The following CACNA2D4 variants were observed in gnomAD, a reference collection of about 807,000 sequenced individuals.
The protein encoded by CACNA2D4 is voltage-dependent calcium channel subunit alpha-2/delta-4.
In CACNA2D4, 157 loss-of-function variants were observed where a neutral mutation model predicts 163.8. The ratio of observed to expected loss-of-function variants is 0.96; its 90% CI spans 0.84 to 1.09. The LOEUF is 1.09. Among genes scored for constraint, CACNA2D4 ranks in the 50% least tolerant of loss-of-function variants. The pLI is 0.00. For synonymous variants in CACNA2D4, 598 were observed against 586.9 expected (o/e 1.02, Z -0.27); for missense variants, 1,410 against 1,479.9 (o/e 0.95, Z 0.78).
chr12:1,823,777 G>C (rs1442659782), intron 26 of CACNA2D4, among the ~76,000 whole-genome samples: 2 of 152,216 alleles, frequency 1.3e-5, no homozygotes, highest in Non-Finnish European at 2.9e-5. Context: ...TCAGGGCAAT[G>C]GGGACAAAAA....
At chr12:1,889,604 A>T (rs771061701) in intron 6 of CACNA2D4, among the ~76,000 whole-genome samples, 2 of 152,148 alleles carry the variant, frequency 1.3e-5, no homozygotes, top group Non-Finnish European at 2.9e-5. Flanking sequence ...CTGGAACTAT[A>T]GGTACAAACC....
intron 26 of CACNA2D4, among the ~76,000 whole-genome samples, chr12:1,827,106 G>T (rs1214931493): frequency 6.6e-6 from 1 of 152,186 alleles, no homozygotes; most frequent in African/African-American, 2.4e-5. Context: ...GAAGGAGAGG[G>T]GTGCGGGCAT....
At chr12:1,796,640 A>C (rs1436957642) in intron 35 of CACNA2D4, among the ~76,000 whole-genome samples, 1 of 152,234 alleles carries the variant, frequency 6.6e-6, no homozygotes, top group East Asian at 1.9e-4. Context: ...CCCGCGCAGC[A>C]CGACGCGCAG....
In CACNA2D4 at chr12:1,811,762, G is replaced by C. The variant is rs531195678; in HGVS notation, c.2552-39C>G. 93 of 1,543,520 alleles carry C rather than the reference G, an allele frequency of 6.0e-5. No individual in the cohort carries two copies. In the South Asian group the frequency reaches 1.0e-3, roughly 17 times the overall value. On this transcript the variant is annotated intron_variant, in intron 26 of 37. Coordinates refer to ENST00000382722, the MANE Select transcript of CACNA2D4 (RefSeq NM_172364.5). ...AGAGAGAGGGCAAGGCCAGGGAAGA[G>C]ACGGGGAGAGAAAAAAATAGAGTCA...
chr12:1,795,031 A>G (rs73041897), intron 37 of CACNA2D4: 70,326 of 567,384 alleles, frequency 0.12, 4,923 homozygotes, highest in Non-Finnish European at 0.15. Context: ...ACCAAACACT[A>G]TAACAAAAGA....
intron 2 of CACNA2D4, among the ~76,000 whole-genome samples, chr12:1,914,442 C>T (rs1299627723): frequency 1.3e-5 from 2 of 152,162 alleles, no homozygotes; most frequent in African/African-American, 4.8e-5. Context: ...TGCGCAGAGG[C>T]CACAGCCCTT....
rs764778015 is a variant in CACNA2D4, at chr12:1,886,238, G to A, written c.978C>T (p.Phe326=). ...TILDTLGEND[F]INIIAYNDYV... Reference sequence around the variant, plus strand: ...GCACATTTACCGCTATGATATTAATGAAGTCATTCTCCCCCAGGGTGTCCA... The same window carrying A: ...GCACATTTACCGCTATGATATTAATAAAGTCATTCTCCCCCAGGGTGTCCA... Residue 326 remains phenylalanine, a synonymous_variant, in exon 8 of 38, where the codon TTC becomes TTT. Transcript: ENST00000382722. 1.1e-5 allele frequency: 18 copies of A among 1,612,928 alleles called. No homozygotes were observed. The highest frequency in any genetic ancestry group is 6.7e-5 in the African/African-American group (5 of 74,884).
At chr12:1,825,473 A>T (rs1864275850) in intron 26 of CACNA2D4, among the ~76,000 whole-genome samples, 1 of 152,232 alleles carries the variant, frequency 6.6e-6, no homozygotes, top group South Asian at 2.1e-4. Flanking sequence ...TCTAGACCTT[A>T]GTTCCAGGCT....
chr12:1,812,874 G>A (rs182556671), intron 26 of CACNA2D4, among the ~76,000 whole-genome samples: 54 of 152,344 alleles, frequency 3.5e-4, no homozygotes, highest in African/African-American at 1.3e-3. Flanking sequence ...GGGAACGGAT[G>A]TGGCTTCTTA....
Position 1,795,314 on chromosome 12 carries a change from G to A in CACNA2D4, c.3294C>T (p.His1098=). The change falls in exon 37 of 38, where the codon CAC becomes CAT. Residue 1098 remains histidine, a synonymous_variant. Transcript: ENST00000382722. The stretch of plus-strand genomic sequence containing the variant: ...CAACCCGCACCTCTGGATGGAAGGC[G>A]TGGCAGGAGTCTGGTCGCCGGCGGA... ...QKLRRRPDSC[H]AFHPEENAQD... is the part of the protein sequence containing the mutation. 1 of 1,613,184 alleles carries A rather than the reference G, an allele frequency of 6.2e-7. No homozygotes were observed. The highest frequency in any genetic ancestry group is 1.1e-5 in the South Asian group (1 of 91,020).
At chr12:1,826,520 C>T (rs754482039) in intron 26 of CACNA2D4, among the ~76,000 whole-genome samples, 4 of 150,204 alleles carry the variant, frequency 2.7e-5, no homozygotes, top group African/African-American at 4.9e-5. Context: ...ATGCCAGGGA[C>T]GTGGGTCCTC....
chr12:1,828,110 C>G lies in CACNA2D4; in HGVS notation c.2551+12629G>C. The G allele has an allele frequency of 2.0e-6, 3 of 1,498,252 alleles. No individual in the cohort carries two copies. Among genetic ancestry groups the G allele is most frequent in the South Asian group, 1.3e-5 (1 of 77,362 alleles). 92.8% of individuals were successfully genotyped at this position (1,498,252 alleles called of 1,614,324 possible). On this transcript the variant is annotated intron_variant, in intron 26 of 37. Transcript: ENST00000382722. This position sits in a 1 kb window ranked among gnomAD's most constrained non-coding sequence, Gnocchi z 4.2. The stretch of plus-strand genomic sequence containing the variant: ...GCGGCGCACCCAGGGGCTCCTCTCT[C>G]CCCAGAGCGACAGGGCCCGGAGAGC...
Position 1,909,437 on chromosome 12 carries a change from A to G in CACNA2D4, c.486+469T>C, listed in dbSNP as rs555572688. Among the ~76,000 whole-genome samples the G allele has an allele frequency of 1.3e-4, 19 of 151,942 alleles. No individual in the cohort carries two copies. The South Asian group carries it at 3.7e-3, about 30-fold the overall frequency. Reference sequence around the variant, plus strand: ...TCTCGATCTCCTGACCTTGTGATCCACCCGCCTCAGCCTCCCAAAGTGCTG... The same window carrying G: ...TCTCGATCTCCTGACCTTGTGATCCGCCCGCCTCAGCCTCCCAAAGTGCTG... On this transcript the variant is annotated intron_variant, in intron 4 of 37. Transcript: ENST00000382722.
At chr12:1,879,469 C>T (rs951641629) in intron 14 of CACNA2D4, among the ~76,000 whole-genome samples, 5 of 152,172 alleles carry the variant, frequency 3.3e-5, no homozygotes, top group African/African-American at 4.8e-5. Flanking sequence ...TTAGAGTCTG[C>T]ACAACCTGGC....
chr12:1,915,572 C>T (rs1017231702), intron 1 of CACNA2D4, among the ~76,000 whole-genome samples: 4 of 152,222 alleles, frequency 2.6e-5, no homozygotes, highest in Non-Finnish European at 4.4e-5. Flanking sequence ...CCTCAGAGAA[C>T]GCGTGAGGCA....
At chr12:1,861,832 A>G (rs1338546471) in intron 18 of CACNA2D4, among the ~76,000 whole-genome samples, 2 of 152,106 alleles carry the variant, frequency 1.3e-5, no homozygotes, top group East Asian at 3.9e-4. Context: ...CAGCCCTGTG[A>G]TTACCAACCT....
At chr12:1,813,244 G>A (rs560037182) in intron 26 of CACNA2D4, among the ~76,000 whole-genome samples, 1 of 152,316 alleles carries the variant, frequency 6.6e-6, no homozygotes, top group Non-Finnish European at 1.5e-5. Flanking sequence ...CATCAGAATC[G>A]CCTGGAAGGT....
At position 1,831,033 on chromosome 12, in the gene CACNA2D4, G is replaced by A. The variant is rs140244300; in HGVS notation, c.2551+9706C>T. 7.9e-4 allele frequency: 1,275 copies of A among 1,613,968 alleles called. No individual in the cohort carries two copies. Among genetic ancestry groups the A allele is most frequent in the Non-Finnish European group, 1.0e-3 (1,179 of 1,180,046 alleles). The stretch of plus-strand genomic sequence containing the variant: ...CCGCAGCCTGGAGGTGGACTGCAGT[G>A]GCCTTGGCCTCACCACGGTGCCCCC... On this transcript the variant is annotated intron_variant, in intron 26 of 37. Coordinates refer to ENST00000382722, the MANE Select transcript of CACNA2D4 (RefSeq NM_172364.5).
intron 26 of CACNA2D4, chr12:1,830,784 A>T: frequency 1.5e-6 from 1 of 655,518 alleles, no homozygotes; most frequent in Non-Finnish European, 2.6e-6. Context: ...TTATGCTTTT[A>T]TGTGGTTAAT....
Sources: allele counts gnomAD v4.1 joint callset (sites outside exome capture counted in the v4.1 genomes callset), GRCh38; gene constraint gnomAD v4.1.1; non-coding constraint Gnocchi (gnomAD v3.1); transcripts MANE v1.5; gene names NCBI Gene and HGNC (gene_info 2026-07-23, HGNC 2026-07-21).